ETFDH: variants seen among roughly 807,000 people sequenced by gnomAD.
ETFDH encodes electron transfer flavoprotein-ubiquinone oxidoreductase, mitochondrial.
A neutral mutation model predicts 73.2 loss-of-function variants in ETFDH; 61 were observed. The observed-to-expected ratio is 0.83, with a 90% confidence interval of 0.68 to 1.03. ETFDH has a LOEUF of 1.03. Ranked by LOEUF, ETFDH falls within the 50% of genes least tolerant of loss-of-function variation. The pLI, the probability that ETFDH is intolerant of heterozygous loss-of-function variation, is 0.00. For synonymous variants in ETFDH, 243 were observed against 253.3 expected (o/e 0.96, Z 0.39); for missense variants, 685 against 745.0 (o/e 0.92, Z 0.94).
In ETFDH at chr4:158,706,213, A is replaced by G. The variant is rs1554033406; in HGVS notation, c.1310A>G (p.Asp437Gly). ...TIGLHVTEYE[D>G]NLKNSWVWKE... ...GGACTCCATGTAACTGAATATGAGG[A>G]CAATTTGAAGAACTCATGGGTATGG... Residue 437 changes from aspartate (D) to glycine (G), a missense_variant, in exon 11 of 13, where the codon GAC becomes GGC. This residue lies in a region of ETFDH where 201 missense variants were observed against 225.2 expected (regional missense o/e 0.89). Coordinates refer to ENST00000511912, the MANE Select transcript of ETFDH (RefSeq NM_004453.4). 3.1e-6 allele frequency: 5 copies of G among 1,612,320 alleles called. No individual in the cohort carries two copies. Among genetic ancestry groups the G allele is most frequent in the Non-Finnish European group, 4.2e-6 (5 of 1,178,272 alleles).
chr4:158,691,286 A>G (rs1467714319), intron 6 of ETFDH, among the ~76,000 whole-genome samples: 1 of 152,212 alleles, frequency 6.6e-6, no homozygotes, highest in Admixed American at 6.5e-5. Context: ...TTGCATTACT[A>G]TCAGTAGGTA....
intron 10 of ETFDH, among the ~76,000 whole-genome samples, chr4:158,705,617 C>T (rs908845143): frequency 3.3e-5 from 5 of 152,272 alleles, no homozygotes; most frequent in East Asian, 3.9e-4. Flanking sequence ...GCTTCTTTCT[C>T]GGTTTCACTA....
At chr4:158,680,818 T>C (rs1773837843) in intron 2 of ETFDH, among the ~76,000 whole-genome samples, 1 of 152,234 alleles carries the variant, frequency 6.6e-6, no homozygotes, top group African/African-American at 2.4e-5. Flanking sequence ...TGAAAATTCC[T>C]ATCACCTAGT....
chr4:158,680,627 C>G lies in ETFDH; in HGVS notation c.175+20C>G. 1 of 1,597,122 alleles carries G rather than the reference C, an allele frequency of 6.3e-7. No homozygotes were observed. ...GGGAAGGTAAGTAATAATTTGTGTA[C>G]AATTCCTGAGACTTTTCTGGATACT... On this transcript the variant is annotated intron_variant, in intron 2 of 12. Transcript: ENST00000511912.
At chr4:158,706,099 C>A in intron 10 of ETFDH, 90 bp from the exon 11 acceptor site, 1 of 903,276 alleles carries the variant, frequency 1.1e-6, no homozygotes, top group Non-Finnish European at 1.9e-6. Context: ...AAAAACTTCA[C>A]TCATCAGCTA....
chr4:158,692,399 C>CAAAAAA (rs35615738), intron 6 of ETFDH, among the ~76,000 whole-genome samples: 17 of 91,404 alleles, frequency 1.9e-4, no homozygotes, highest in African/African-American at 5.5e-4. Flanking sequence ...GACACCGTCT[C>CAAAAAA]AAAAAAAAAA....
chr4:158,683,060 G>A (rs1417549064), intron 3 of ETFDH, among the ~76,000 whole-genome samples: 1 of 152,080 alleles, frequency 6.6e-6, no homozygotes, highest in Non-Finnish European at 1.5e-5. Flanking sequence ...TTGTATGATT[G>A]TTCTTAATAA....
chr4:158,689,449 T>C (rs898999170), intron 5 of ETFDH, among the ~76,000 whole-genome samples: 41 of 151,700 alleles, frequency 2.7e-4, no homozygotes, highest in African/African-American at 8.9e-4. Flanking sequence ...ACTTTTCTTT[T>C]TCTCGGGTCC....
chr4:158,689,631 T>TAC (rs1774107236), intron 5 of ETFDH, among the ~76,000 whole-genome samples: 1 of 118,278 alleles, frequency 8.5e-6, no homozygotes, highest in Non-Finnish European at 1.7e-5. Flanking sequence ...TATATATATA[T>TAC]ATATATTGTG....
chr4:158,678,602 A>G (rs1297395184), intron 1 of ETFDH, among the ~76,000 whole-genome samples: 6 of 151,632 alleles, frequency 4.0e-5, no homozygotes, highest in African/African-American at 1.2e-4. Context: ...AGTTCATCCC[A>G]CATCACTCAA....
chr4:158,697,820 T>C (rs750539860), intron 8 of ETFDH, 121 bp downstream of exon 8: 4 of 928,600 alleles, frequency 4.3e-6, no homozygotes, highest in Non-Finnish European at 5.1e-6. Context: ...CTTTCTAATT[T>C]TATCAATATG....
rs578119754 is a variant in ETFDH, at chr4:158,705,657, A to G, written c.1286-532A>G. 2.3e-4 allele frequency among the ~76,000 whole-genome samples: 35 copies of G among 152,362 alleles called. 1 individual carries two copies. In the South Asian group the frequency reaches 6.6e-3, roughly 29 times the overall value. ...TTGAAACTAATTTTCCATGCTACCAATGTAAGAAATCAAATGCCTTACTGC... is the reference window on the plus strand; with the variant it reads ...TTGAAACTAATTTTCCATGCTACCAGTGTAAGAAATCAAATGCCTTACTGC... On this transcript the variant is annotated intron_variant, in intron 10 of 12. Transcript: ENST00000511912.
In ETFDH at chr4:158,680,587, A is replaced by AT; in HGVS notation, c.156dup (p.Lys53Ter). Reference sequence around the variant, plus strand: ...ACCCATTATACTATTTATCCCCGGGATAAGGACAAGAGATGGGAAGGTAAG... The same window carrying AT: ...ACCCATTATACTATTTATCCCCGGGATTAAGGACAAGAGATGGGAAGGTAAG... On this transcript the variant is annotated frameshift_variant, in exon 2 of 13. Transcript: ENST00000511912. LOFTEE classifies it high-confidence loss of function. 6.2e-7 allele frequency: 1 copy of AT among 1,610,950 alleles called. No individual in the cohort carries two copies. Among genetic ancestry groups the AT allele is most frequent in the Non-Finnish European group, 8.5e-7 (1 of 1,177,224 alleles).
At chr4:158,701,131 C>T (rs888479798) in intron 9 of ETFDH, among the ~76,000 whole-genome samples, 1 of 152,190 alleles carries the variant, frequency 6.6e-6, no homozygotes, top group Non-Finnish European at 1.5e-5. Flanking sequence ...AGGTAGGATC[C>T]TCCTAGAACT....
intron 7 of ETFDH, among the ~76,000 whole-genome samples, chr4:158,696,447 A>C (rs1774309049): frequency 6.6e-6 from 1 of 152,148 alleles, no homozygotes; most frequent in Non-Finnish European, 1.5e-5. Context: ...TCAAGACTGC[A>C]GTGACCTGTG....
rs763002171 is a variant in ETFDH, at chr4:158,697,679, C to T, written c.952C>T (p.Leu318=). 1 of 1,613,770 alleles carries T rather than the reference C, an allele frequency of 6.2e-7. No individual in the cohort carries two copies. ...CTATCATTTGAATGAAGGTGAACCC[C>T]TAGTAGCTCTTGGTCTTGTGGTAAG... is the stretch of plus-strand genomic sequence containing the variant. ...FLYHLNEGEP[L]VALGLVVGLD... is the part of the protein sequence containing the mutation. The change falls in exon 8 of 13, where the codon CTA becomes TTA. Residue 318 remains leucine (L), a synonymous_variant. Transcript: ENST00000511912.
intron 10 of ETFDH, 152 bp from the exon 11 acceptor site, chr4:158,706,037 C>T (rs534740954): frequency 6.0e-6 from 4 of 664,346 alleles, no homozygotes; most frequent in South Asian, 3.4e-5. Context: ...GCCATGATCA[C>T]ACCACTGTAC....
At chr4:158,678,275 C>T (rs1773760719) in intron 1 of ETFDH, among the ~76,000 whole-genome samples, 1 of 152,148 alleles carries the variant, frequency 6.6e-6, no homozygotes, top group Admixed American at 6.5e-5. Context: ...TTGACAGTTC[C>T]TCTGTCTTTT....
In ETFDH at chr4:158,699,037, A is replaced by G; in HGVS notation, c.1023A>G (p.Gln341=). The G allele has an allele frequency of 1.2e-6, 2 of 1,612,790 alleles. No homozygotes were observed. Among genetic ancestry groups the G allele is most frequent in the Non-Finnish European group, 1.7e-6 (2 of 1,178,746 alleles). The change falls in exon 9 of 13, where the codon CAA becomes CAG. Residue 341 remains glutamine, a synonymous_variant. Coordinates refer to ENST00000511912, the MANE Select transcript of ETFDH (RefSeq NM_004453.4). ...ACCTGAGTCCATTTAGAGAGTTCCA[A>G]AGGTGGAAACACCATCCTAGCATTC... ...NPYLSPFREF[Q]RWKHHPSIRP...
Sources: allele counts gnomAD v4.1 joint callset (sites outside exome capture counted in the v4.1 genomes callset), GRCh38; gene constraint gnomAD v4.1.1; regional missense constraint gnomAD v4.1.1; transcripts MANE v1.5; gene names NCBI Gene and HGNC (gene_info 2026-07-23, HGNC 2026-07-21).